Variants in SHPRH observed in about 807,000 individuals in gnomAD.
The protein encoded by SHPRH is E3 ubiquitin-protein ligase SHPRH.
A neutral mutation model predicts 202.5 loss-of-function variants in SHPRH; 106 were observed. That is an observed-to-expected ratio of 0.52 (90% CI 0.45 to 0.62). The LOEUF (loss-of-function observed/expected upper bound fraction) is 0.62, where lower values mean the gene tolerates loss of function less well. Among genes scored for constraint, SHPRH ranks in the 20% least tolerant of loss-of-function variants. SHPRH has a pLI of 0.00. For synonymous variants in SHPRH, 729 were observed against 686.0 expected, an observed-to-expected ratio of 1.06 and a Z score of -0.98; for missense variants, 1,710 against 2,020.0, an observed-to-expected ratio of 0.85 and a Z score of 2.94.
At chr6:145,948,839 T>C (rs978979327) in intron 4 of SHPRH, among the ~76,000 whole-genome samples, 10 of 151,872 alleles carry the variant, frequency 6.6e-5, no homozygotes, top group East Asian at 3.9e-4. Context: ...GGGAAAAAAA[T>C]ATCTAAAACC....
intron 25 of SHPRH, among the ~76,000 whole-genome samples, chr6:145,899,168 T>A (rs988001530): frequency 4.9e-4 from 75 of 151,920 alleles, no homozygotes; most frequent in African/African-American, 1.7e-3. Flanking sequence ...TACGGCAACA[T>A]AAAACAGACA....
chr6:145,884,725 A>G (rs984245908), downstream of SHPRH: 1 of 152,182 alleles, frequency 6.6e-6, no homozygotes, highest in Non-Finnish European at 1.5e-5. Context: ...CTATAGTATT[A>G]GCCATTTTGA....
At chr6:145,867,562 A>G (rs752501669) in intron 2 of SHPRH, among the ~76,000 whole-genome samples, 2 of 139,680 alleles carry the variant, frequency 1.4e-5, no homozygotes, top group African/African-American at 2.6e-5. Context: ...CTGAACGTGA[A>G]CCTGGGCAAC....
At chr6:145,925,084 C>G (rs1441821528) in intron 16 of SHPRH, among the ~76,000 whole-genome samples, 2 of 150,908 alleles carry the variant, frequency 1.3e-5, no homozygotes, top group Non-Finnish European at 3.0e-5. Context: ...TATTTGTTTG[C>G]CAATTTCTTA....
chr6:145,928,142 T>G (rs1053904107), intron 14 of SHPRH, among the ~76,000 whole-genome samples: 24 of 152,034 alleles, frequency 1.6e-4, no homozygotes, highest in African/African-American at 5.8e-4. Context: ...ATACTGCCTG[T>G]GGCTGCTGTT....
intron 24 of SHPRH, 76 bp from the exon 25 acceptor site, chr6:145,910,712 G>A (rs760543066): frequency 1.9e-4 from 246 of 1,328,708 alleles, no homozygotes; most frequent in Non-Finnish European, 2.2e-4. Flanking sequence ...AAAGAGATTC[G>A]CAATTTTTCC....
intron 25 of SHPRH, among the ~76,000 whole-genome samples, chr6:145,896,061 A>C (rs1260788388): frequency 6.6e-6 from 1 of 152,042 alleles, no homozygotes; most frequent in African/African-American, 2.4e-5. Flanking sequence ...CTCTCAACAC[A>C]CTTTTACATG....
chr6:145,884,799 T>G (rs1447468408), downstream of SHPRH: 1 of 152,140 alleles, frequency 6.6e-6, no homozygotes, highest in Non-Finnish European at 1.5e-5. Context: ...AATCAAAGAA[T>G]TCCACAATTT....
intron 2 of SHPRH, among the ~76,000 whole-genome samples, chr6:145,875,737 G>A (rs890922764): frequency 5.9e-5 from 9 of 152,124 alleles, no homozygotes; most frequent in Non-Finnish European, 4.4e-5. Flanking sequence ...TGCATTGGCT[G>A]GTCATTCCAG....
rs371512056 is a variant in SHPRH at position 145,935,048 on chromosome 6, C to G, written c.2849G>C (p.Arg950Thr). ...CTTCAGAGCCCAGTCAGAAATCTTC[C>G]TGAGTTTTACCACCACATCCTGGCA... ...VCCQDVVVKL[R>T]KISDWALKLS... Residue 950 changes from arginine (R) to threonine (T), a missense_variant, in exon 13 of 30, where the codon AGG (arginine) becomes ACG (threonine). This residue lies in a region of SHPRH where 277 missense variants were observed against 363.0 expected (regional missense o/e 0.76). Transcript: ENST00000275233. 6.2e-7 allele frequency: 1 copy of G among 1,613,974 alleles called. No individual in the cohort carries two copies. Among genetic ancestry groups the G allele is most frequent in the South Asian group, 1.1e-5 (1 of 91,068 alleles).
At chr6:145,909,739 A>T (rs1447836836) in intron 25 of SHPRH, 1 of 151,244 alleles carries the variant, frequency 6.6e-6, no homozygotes, top group Non-Finnish European at 1.5e-5. Flanking sequence ...AAATTTAGAT[A>T]CCGATGTGTC....
chr6:145,905,063 G>C (rs891945859), intron 25 of SHPRH: 3 of 152,062 alleles, frequency 2.0e-5, no homozygotes, highest in South Asian at 2.1e-4. Flanking sequence ...CCAGTAGCTA[G>C]AGCAATCACT....
Position 145,900,466 on chromosome 6 carries a change from C to T in SHPRH, c.4516-5489G>A, listed in dbSNP as rs114366976. On this transcript the variant is annotated intron_variant, in intron 25 of 29. Transcript: ENST00000275233. ...TCTAAAAACATTTAACTCACAGAAG[C>T]AGAGAGCAGAATGGCGGTTACCAGA... Among the ~76,000 whole-genome samples, 767 of 152,096 alleles carry T rather than the reference C, an allele frequency of 5.0e-3. 5 individuals are homozygous for T. Among genetic ancestry groups the T allele is most frequent in the African/African-American group, 0.018 (746 of 41,518 alleles).
intron 2 of SHPRH, among the ~76,000 whole-genome samples, chr6:145,869,785 T>A (rs1779969887): frequency 6.6e-6 from 1 of 151,684 alleles, no homozygotes; most frequent in South Asian, 2.1e-4. Flanking sequence ...TTCTTCTCCT[T>A]CAATATTGTT....
At chr6:145,911,560 G>A (rs1490376630) in intron 24 of SHPRH, among the ~76,000 whole-genome samples, 1 of 152,192 alleles carries the variant, frequency 6.6e-6, no homozygotes, top group Non-Finnish European at 1.5e-5. Context: ...TAGTCTAGGT[G>A]TAAGTTCTAA....
Position 145,935,146 on chromosome 6 carries a change from T to G in SHPRH, c.2751A>C (p.Gln917His). The G allele has an allele frequency of 6.2e-7, 1 of 1,613,888 alleles. No homozygotes were observed. Among genetic ancestry groups the G allele is most frequent in the Non-Finnish European group, 8.5e-7 (1 of 1,179,946 alleles). Residue 917 changes from glutamine (Q) to histidine (H), a missense_variant, in exon 13 of 30, where the codon CAA (glutamine) becomes CAC (histidine). This residue lies in a region of SHPRH where 277 missense variants were observed against 363.0 expected (regional missense o/e 0.76). Transcript: ENST00000275233. Reference protein sequence around the residue: ...DVIDQIQIPPQTEEIHWLHFS... With the variant: ...DVIDQIQIPPHTEEIHWLHFS... The stretch of plus-strand genomic sequence containing the variant: ...AGTGGAGCCAGTGTATTTCTTCGGT[T>G]TGTGGTGGTATTTGGATCTGTGAAA...
Position 145,913,561 on chromosome 6 carries a change from A to G in SHPRH, c.4255-12T>C. The G allele has an allele frequency of 6.3e-7, 1 of 1,597,754 alleles. No homozygotes were observed. The highest frequency in any genetic ancestry group is 8.5e-7 in the Non-Finnish European group (1 of 1,173,436). On this transcript the variant is annotated splice_polypyrimidine_tract_variant and intron_variant, in intron 23 of 29. Transcript: ENST00000275233. ...GTTTTATCTTGAGACTATCCAAAAA[A>G]GAATTAAAAAATATATTAGTTACGT... is the stretch of plus-strand genomic sequence containing the variant.
chr6:145,933,555 T>C (rs138753661), intron 13 of SHPRH, among the ~76,000 whole-genome samples: 7 of 152,284 alleles, frequency 4.6e-5, no homozygotes, highest in Admixed American at 4.6e-4. Context: ...CAGTAAAAAA[T>C]GAAGATCCTC....
chr6:145,891,878 T>G (rs1408169081), intron 28 of SHPRH, among the ~76,000 whole-genome samples: 1 of 152,040 alleles, frequency 6.6e-6, no homozygotes, highest in Non-Finnish European at 1.5e-5. Context: ...AAAAGAACAT[T>G]GGTAGGACAA....
Sources: allele counts gnomAD v4.1 joint callset (sites outside exome capture counted in the v4.1 genomes callset), GRCh38; gene constraint gnomAD v4.1.1; regional missense constraint gnomAD v4.1.1; transcripts MANE v1.5; gene names NCBI Gene and HGNC (gene_info 2026-07-23, HGNC 2026-07-21).